Variants in NRG3 observed in about 807,000 individuals in gnomAD.
NRG3 encodes the protein neuregulin 3.
Under a neutral mutation model 66.9 loss-of-function variants are expected in NRG3, and 31 were observed. The observed-to-expected ratio is 0.46, with a 90% CI of 0.35 to 0.63. The LOEUF (loss-of-function observed/expected upper bound fraction) is 0.63. NRG3 is among the 20% of genes least tolerant of loss of function. NRG3 has a pLI of 0.00. For missense variants in NRG3, 910 were observed against 878.9 expected (o/e 1.04, Z -0.45); for synonymous variants, 393 against 359.4 (o/e 1.09, Z -1.06).
intron 3 of NRG3, among the ~76,000 whole-genome samples, chr10:82,770,769 A>G (rs1301516499): frequency 6.6e-6 from 1 of 152,120 alleles, no homozygotes; most frequent in Admixed American, 6.6e-5. Context: ...CAGGAAACTC[A>G]TTGTCCTCCT....
At chr10:82,915,230 C>A (rs1326397708) in intron 4 of NRG3, among the ~76,000 whole-genome samples, 1 of 152,186 alleles carries the variant, frequency 6.6e-6, no homozygotes, top group Admixed American at 6.5e-5. Flanking sequence ...TTTAAGGTAG[C>A]AGTTTGCCCT....
intron 4 of NRG3, among the ~76,000 whole-genome samples, chr10:82,932,190 C>T (rs1289783629): frequency 3.2e-4 from 48 of 152,200 alleles, no homozygotes; most frequent in East Asian, 1.9e-4. Context: ...CTCTCTATGG[C>T]GGCTGTTTGA....
intron 2 of NRG3, among the ~76,000 whole-genome samples, chr10:82,675,567 T>G (rs1052807687): frequency 6.6e-6 from 1 of 152,204 alleles, no homozygotes; most frequent in Admixed American, 6.5e-5. Flanking sequence ...CAATCCTTTA[T>G]GTCTACACCT....
chr10:82,319,377 A>G (rs1024888825), intron 1 of NRG3, among the ~76,000 whole-genome samples: 1 of 152,216 alleles, frequency 6.6e-6, no homozygotes, highest in African/African-American at 2.4e-5. Flanking sequence ...CACTGTGGAT[A>G]ATGAGGCTGT....
chr10:82,546,065 G>T (rs1388574945), intron 2 of NRG3, among the ~76,000 whole-genome samples: 1 of 152,136 alleles, frequency 6.6e-6, no homozygotes, highest in African/African-American at 2.4e-5. Flanking sequence ...CACTGCGGCT[G>T]GCTTATAATG....
At chr10:82,936,102 TCA>T (rs772084273) in intron 4 of NRG3, among the ~76,000 whole-genome samples, 8 of 152,218 alleles carry the variant, frequency 5.3e-5, no homozygotes, top group Non-Finnish European at 1.0e-4. Flanking sequence ...TAAAATTTTC[TCA>T]CAGTGTAAAT....
At chr10:82,193,324 G>A (rs1855918) in intron 1 of NRG3, among the ~76,000 whole-genome samples, 11,369 of 152,158 alleles carry the variant, frequency 0.075, 752 homozygotes, top group East Asian at 0.22. Flanking sequence ...GGTATTTTTA[G>A]TAGAGACAGG....
chr10:82,373,785 T>C (rs1003772320), intron 2 of NRG3, among the ~76,000 whole-genome samples: 1 of 152,220 alleles, frequency 6.6e-6, no homozygotes, highest in Admixed American at 6.5e-5. Context: ...TTATTTTCTT[T>C]GACAAGGTTT....
intron 3 of NRG3, among the ~76,000 whole-genome samples, chr10:82,791,418 G>C (rs1277866754): frequency 5.9e-5 from 9 of 151,694 alleles, no homozygotes. Flanking sequence ...GTGGTCCACT[G>C]ATTTCTACAG....
At chr10:82,173,674 A>AACACACACACACACACACACACAC (rs3037392) in intron 1 of NRG3, among the ~76,000 whole-genome samples, 2 of 146,514 alleles carry the variant, frequency 1.4e-5, no homozygotes, top group African/African-American at 2.5e-5. Context: ...TGCATATGTG[A>AACACACACACACACACACACACAC]ACACACACAC....
chr10:82,432,527 G>T (rs576383484), intron 2 of NRG3, among the ~76,000 whole-genome samples: 2 of 147,910 alleles, frequency 1.4e-5, no homozygotes, highest in Non-Finnish European at 3.0e-5. Flanking sequence ...GGATACATGT[G>T]CAGATCGTGC....
At chr10:82,784,174 G>T (rs1266017434) in intron 3 of NRG3, among the ~76,000 whole-genome samples, 1 of 152,084 alleles carries the variant, frequency 6.6e-6, no homozygotes, top group Non-Finnish European at 1.5e-5. Context: ...GCTGAAACTG[G>T]ATCCCTTTCT....
chr10:82,388,035 G>A (rs1324195946), intron 2 of NRG3, among the ~76,000 whole-genome samples: 1 of 152,110 alleles, frequency 6.6e-6, no homozygotes, highest in East Asian at 1.9e-4. Flanking sequence ...AATTAGAAAA[G>A]TACTGATCCT....
intron 1 of NRG3, among the ~76,000 whole-genome samples, chr10:81,924,817 A>G (rs1467895506): frequency 6.6e-6 from 1 of 152,108 alleles, no homozygotes; most frequent in Non-Finnish European, 1.5e-5. Context: ...GTGTACAGTT[A>G]CTGTTGTTTA....
intron 1 of NRG3, among the ~76,000 whole-genome samples, chr10:82,071,721 A>G (rs2064816452): frequency 6.6e-6 from 1 of 152,152 alleles, no homozygotes; most frequent in Admixed American, 6.5e-5. Context: ...ACATTTCAAC[A>G]TCATCACTCT....
intron 1 of NRG3, among the ~76,000 whole-genome samples, chr10:81,960,976 A>G (rs1850301898): frequency 6.6e-6 from 1 of 151,968 alleles, no homozygotes; most frequent in Non-Finnish European, 1.5e-5. Flanking sequence ...TCAAAATTCA[A>G]TCTTAGTGTT....
Position 82,490,879 on chromosome 10 carries a change from T to A in NRG3, c.953+132011T>A, listed in dbSNP as rs144655567. Among the ~76,000 whole-genome samples, 869 of 152,226 alleles carry A rather than the reference T, an allele frequency of 5.7e-3. 8 individuals carry two copies. The highest frequency in any genetic ancestry group is 0.017 in the African/African-American group (690 of 41,538). ...AAAATAAATAATAAAAAACTAAATATTTAATGGGATTTCCTACTTCAAACT... is the reference window on the plus strand; with the variant it reads ...AAAATAAATAATAAAAAACTAAATAATTAATGGGATTTCCTACTTCAAACT... On this transcript the variant is annotated intron_variant, in intron 2 of 8. Coordinates refer to ENST00000372141, the MANE Select transcript of NRG3 (RefSeq NM_001010848.4).
chr10:82,680,738 A>G (rs2054051238), intron 2 of NRG3, among the ~76,000 whole-genome samples: 1 of 152,166 alleles, frequency 6.6e-6, no homozygotes, highest in Non-Finnish European at 1.5e-5. Context: ...CTTTCTTCAG[A>G]GCCATTTCTT....
At chr10:82,564,583 G>GTT (rs1263174476) in intron 2 of NRG3, among the ~76,000 whole-genome samples, 1 of 152,034 alleles carries the variant, frequency 6.6e-6, no homozygotes, top group Admixed American at 6.6e-5. Context: ...ATTTCTCAGC[G>GTT]TAACACTTCT....
Sources: gnomAD v4.1 joint callset for allele counts (sites outside exome capture counted in the v4.1 genomes callset) on GRCh38, gnomAD v4.1.1 for gene constraint, MANE v1.5 for transcripts, NCBI Gene and HGNC (gene_info 2026-07-23, HGNC 2026-07-21) for gene names.